DNAJB6: variants seen among roughly 807,000 people sequenced by gnomAD.
DNAJB6 encodes the protein dnaJ homolog subfamily B member 6.
A neutral mutation model predicts 42.7 loss-of-function variants in DNAJB6; 16 were observed. The observed-to-expected ratio is 0.37, with a 90% CI of 0.25 to 0.57. The LOEUF (loss-of-function observed/expected upper bound fraction) is 0.57, where lower values mean the gene tolerates loss of function less well. Ranked by LOEUF, DNAJB6 falls within the 20% of genes least tolerant of loss-of-function variation. DNAJB6 has a pLI of 0.74. For synonymous variants in DNAJB6, 170 were observed against 163.5 expected (o/e 1.04, Z -0.30); for missense variants, 347 against 416.8 (o/e 0.83, Z 1.46).
At chr7:157,394,930 G>T (rs905775823) in intron 8 of DNAJB6, among the ~76,000 whole-genome samples, 1 of 152,180 alleles carries the variant, frequency 6.6e-6, no homozygotes. Flanking sequence ...TCTCCACAAA[G>T]AATAGAAAAT....
intron 5 of DNAJB6, among the ~76,000 whole-genome samples, chr7:157,371,335 A>G (rs778499763): frequency 6.6e-6 from 1 of 152,246 alleles, no homozygotes; most frequent in Non-Finnish European, 1.5e-5. Context: ...TGCACTTTAC[A>G]TTTATCAGAA....
At position 157,357,260 on chromosome 7, in the gene DNAJB6, T is replaced by G. The variant is rs867391287; in HGVS notation, c.-26-1287T>G. Among the ~76,000 whole-genome samples the G allele has an allele frequency of 1.0e-3, 75 of 71,502 alleles. 17 individuals carry two copies. Among genetic ancestry groups the G allele is most frequent in the African/African-American group, 3.6e-3 (71 of 19,886 alleles). 46.9% of individuals were successfully genotyped at this position (71,502 alleles called of 152,430 possible). On this transcript the variant is annotated intron_variant, in intron 1 of 9. Coordinates refer to ENST00000262177, the MANE Select transcript of DNAJB6 (RefSeq NM_058246.4). ...CTTCCTTCCTTCCTTCCTTCCTTCC[T>G]TCCGTCCTTCCTTCCGTCCTTCCTT...
intron 8 of DNAJB6, among the ~76,000 whole-genome samples, chr7:157,392,767 C>CT (rs956016969): frequency 4.3e-4 from 65 of 152,274 alleles, no homozygotes; most frequent in African/African-American, 1.4e-3. Flanking sequence ...ATGTGGCAGA[C>CT]TAATTTTTTT....
At chr7:157,407,387 C>T (rs1293466673) in intron 8 of DNAJB6, among the ~76,000 whole-genome samples, 2 of 152,230 alleles carry the variant, frequency 1.3e-5, no homozygotes, top group Non-Finnish European at 2.9e-5. Context: ...ATTTAGGGTC[C>T]AGTTCAGTGT....
intron 5 of DNAJB6, chr7:157,378,348 A>G (rs1800576665): frequency 6.6e-6 from 1 of 152,266 alleles, no homozygotes; most frequent in African/African-American, 2.4e-5. Flanking sequence ...ATCCAAAAGT[A>G]ATAATACATG....
intron 8 of DNAJB6, among the ~76,000 whole-genome samples, chr7:157,404,174 G>A (rs1399753888): frequency 6.6e-6 from 1 of 151,694 alleles, no homozygotes; most frequent in Non-Finnish European, 1.5e-5. Flanking sequence ...TCACTATGTT[G>A]CCCAGGCTGG....
rs754941044 is a variant in DNAJB6, at chr7:157,337,016, G to GGAGAAAGGA, written c.-145_-137dup. 6.6e-6 allele frequency: 1 copy of GGAGAAAGGA among 152,554 alleles called. No individual in the cohort carries two copies. Among genetic ancestry groups the GGAGAAAGGA allele is most frequent in the Non-Finnish European group, 1.5e-5 (1 of 68,326 alleles). The allele number at this position is 152,554 out of a possible 1,614,324, so 9.5% of individuals were successfully genotyped here. A position where few individuals can be genotyped will look rare whatever the true frequency, so the allele number is the denominator to read the frequency against. On this transcript the variant is annotated 5_prime_UTR_variant, in exon 1 of 10. Coordinates refer to ENST00000262177, the MANE Select transcript of DNAJB6 (RefSeq NM_058246.4). ...CGTGACGCATTTCCTGTTTGTTGTT[G>GGAGAAAGGA]GAGAAAGGAGAGAAAGGAAAGCGCG... is the stretch of plus-strand genomic sequence containing the variant.
intron 5 of DNAJB6, among the ~76,000 whole-genome samples, chr7:157,369,815 C>CATTATTAAACAGGCCCCTTCTTAACATT (rs1800058464): frequency 1.7e-5 from 2 of 118,740 alleles, no homozygotes; most frequent in African/African-American, 3.9e-5. Context: ...TTCTTAACAT[C>CATTATTAAACAGGCCCCTTCTTAACATT]ATTATTAAAC....
intron 1 of DNAJB6, among the ~76,000 whole-genome samples, chr7:157,345,761 A>G (rs1798651429): frequency 1.3e-5 from 2 of 152,174 alleles, no homozygotes; most frequent in African/African-American, 4.8e-5. Context: ...CATTTGGCTT[A>G]TGGAGTCTTT....
chr7:157,360,437 C>G (rs1799526528), intron 2 of DNAJB6, among the ~76,000 whole-genome samples: 1 of 152,140 alleles, frequency 6.6e-6, no homozygotes, highest in Non-Finnish European at 1.5e-5. Flanking sequence ...CAGCCCTTAT[C>G]AATGGATAAG....
chr7:157,380,475 T>G (rs542160067), intron 5 of DNAJB6: 13 of 152,368 alleles, frequency 8.5e-5, no homozygotes, highest in African/African-American at 3.1e-4. Context: ...TATGACCATC[T>G]TACATTATTT....
Position 157,416,117 on chromosome 7 carries a change from G to T in DNAJB6, c.*19G>T, listed in dbSNP as rs771151320. 2 of 1,610,056 alleles carry T rather than the reference G, an allele frequency of 1.2e-6. No individual in the cohort carries two copies. Among genetic ancestry groups the T allele is most frequent in the Admixed American group, 1.7e-5 (1 of 59,168 alleles). On this transcript the variant is annotated 3_prime_UTR_variant, in exon 10 of 10. Coordinates refer to ENST00000262177, the MANE Select transcript of DNAJB6 (RefSeq NM_058246.4). ...TCACTAGACCGGACTTGAGGCACGC[G>T]GTGCACCCCCAGACGCTGGCGCTCC... is the stretch of plus-strand genomic sequence containing the variant.
At chr7:157,405,844 G>T (rs1395232648) in intron 8 of DNAJB6, among the ~76,000 whole-genome samples, 1 of 152,244 alleles carries the variant, frequency 6.6e-6, no homozygotes, top group Non-Finnish European at 1.5e-5. Flanking sequence ...TGTCCATCCT[G>T]CCTGCTGTGA....
In DNAJB6 at chr7:157,407,872, CCCT is replaced by C. The variant is rs1183061081; in HGVS notation, c.692-1918_692-1916del. Reference sequence around the variant, plus strand: ...CGTCCTGGGTGTCCCTGTCCCAGAGCCCTCCTCGCTCCCAGCCTGCAACTGGGG... The same window carrying C: ...CGTCCTGGGTGTCCCTGTCCCAGAGCCCTCGCTCCCAGCCTGCAACTGGGG... On this transcript the variant is annotated intron_variant, in intron 8 of 9. Coordinates refer to ENST00000262177, the MANE Select transcript of DNAJB6 (RefSeq NM_058246.4). 2.6e-5 allele frequency among the ~76,000 whole-genome samples: 4 copies of C among 152,322 alleles called. No individual in the cohort carries two copies. In the East Asian group the frequency reaches 7.7e-4, roughly 29 times the overall value.
At chr7:157,349,801 C>T (rs566130540) in intron 1 of DNAJB6, among the ~76,000 whole-genome samples, 2 of 152,190 alleles carry the variant, frequency 1.3e-5, no homozygotes, top group Non-Finnish European at 2.9e-5. Flanking sequence ...CATGCCACCA[C>T]ACCCAGCTGA....
rs894828712 is a variant in DNAJB6, at chr7:157,352,950, A to T, written c.-26-5597A>T. Among the ~76,000 whole-genome samples the T allele has an allele frequency of 3.1e-4, 47 of 152,150 alleles. 1 individual carries two copies. The highest frequency in any genetic ancestry group is 1.1e-3 in the African/African-American group (45 of 41,506). On this transcript the variant is annotated intron_variant, in intron 1 of 9. Transcript: ENST00000262177. ...GGGAAGGCAGGGTGGTAAATCCTTG[A>T]TTCTTAGTGCTTGCTGGCTTTTTAG...
chr7:157,345,471 C>G (rs1798636746), intron 1 of DNAJB6, among the ~76,000 whole-genome samples: 1 of 151,998 alleles, frequency 6.6e-6, no homozygotes, highest in South Asian at 2.1e-4. Context: ...TGTGCCACCC[C>G]ACTCAGCTAA....
intron 8 of DNAJB6, among the ~76,000 whole-genome samples, chr7:157,404,464 G>A (rs1038238971): frequency 4.4e-5 from 2 of 45,852 alleles, no homozygotes; most frequent in Non-Finnish European, 7.2e-5. Context: ...GCTAATTTTT[G>A]TCTTTTTTTT....
At chr7:157,401,428 C>G (rs1795514600) in intron 8 of DNAJB6, among the ~76,000 whole-genome samples, 1 of 152,080 alleles carries the variant, frequency 6.6e-6, no homozygotes, top group African/African-American at 2.4e-5. Context: ...TTAGGCTGGT[C>G]TTGAACTCCT....
Sources: gnomAD v4.1 joint callset for allele counts (sites outside exome capture counted in the v4.1 genomes callset) on GRCh38, gnomAD v4.1.1 for gene constraint, MANE v1.5 for transcripts, NCBI Gene and HGNC (gene_info 2026-07-23, HGNC 2026-07-21) for gene names.